Variants in NCOR1 observed in about 807,000 individuals in gnomAD.
The protein encoded by NCOR1 is nuclear receptor corepressor 1, also known as protein phosphatase 1, regulatory subunit 109.
NCOR1 carries 63 observed loss-of-function variants against 288.1 expected under a neutral mutation model. The observed-to-expected ratio is 0.22, with a 90% confidence interval of 0.18 to 0.27. NCOR1 has a LOEUF of 0.27. NCOR1 is among the 10% of genes least tolerant of loss of function. The probability of loss-of-function intolerance (pLI) is 1.00; values close to 1 mark genes in which losing one functional copy is unlikely to be tolerated. For missense variants in NCOR1, 2,397 were observed against 3,019.2 expected, an observed-to-expected ratio of 0.79 and a Z score of 4.83; for synonymous variants, 1,007 against 1,065.9, an observed-to-expected ratio of 0.94 and a Z score of 1.08.
intron 18 of NCOR1, 98 bp downstream of exon 18, chr17:16,117,790 C>A: frequency 3.0e-6 from 4 of 1,346,382 alleles, no homozygotes; most frequent in Non-Finnish European, 4.0e-6. Context: ...CTGCTGCACT[C>A]TAGCCTGGGT....
At chr17:16,159,433 A>AG (rs1048353239) in intron 5 of NCOR1, among the ~76,000 whole-genome samples, 14 of 151,678 alleles carry the variant, frequency 9.2e-5, no homozygotes, top group African/African-American at 3.4e-4. Context: ...AAAAAAAAAA[A>AG]AAGATTTTAA....
At chr17:16,064,584 C>A (rs2060911079) in intron 34 of NCOR1, among the ~76,000 whole-genome samples, 1 of 151,286 alleles carries the variant, frequency 6.6e-6, no homozygotes, top group Non-Finnish European at 1.5e-5. Flanking sequence ...GCCTGGGCAA[C>A]AGAGCCAGAC....
intron 40 of NCOR1, among the ~76,000 whole-genome samples, chr17:16,056,188 T>C (rs2059894007): frequency 6.6e-6 from 1 of 152,168 alleles, no homozygotes; most frequent in Admixed American, 6.5e-5. Flanking sequence ...AAATTTCTCT[T>C]TTTCAGGCTC....
At position 16,140,997 on chromosome 17, in the gene NCOR1, C is replaced by CAA. The variant is rs372397821; in HGVS notation, c.1174-1813_1174-1812dup. ...CAGAGTAAGACCCTATCTCCTATCT[C>CAA]AAAAAAAAAAAAAAGGAAAATTCAC... On this transcript the variant is annotated intron_variant, in intron 11 of 45. Transcript: ENST00000268712. Among the ~76,000 whole-genome samples, 97 of 113,746 alleles carry CAA rather than the reference C, an allele frequency of 8.5e-4. 2 individuals are homozygous for CAA. Among genetic ancestry groups the CAA allele is most frequent in the African/African-American group, 2.9e-3 (86 of 29,808 alleles). The allele number at this position is 113,746 out of a possible 152,430, so 74.6% of individuals were successfully genotyped here.
chr17:16,187,772 T>C (rs2086988204), intron 2 of NCOR1, among the ~76,000 whole-genome samples: 1 of 151,650 alleles, frequency 6.6e-6, no homozygotes, highest in Non-Finnish European at 1.5e-5. Flanking sequence ...AGCCGGGCAT[T>C]GTGGCACGTC....
chr17:16,186,747 C>T (rs1600184771), intron 2 of NCOR1, 60 bp from the exon 3 acceptor site: 11 of 1,536,616 alleles, frequency 7.2e-6, no homozygotes, highest in Admixed American at 5.3e-5. Context: ...ATCATGAAAT[C>T]AAAGCAAGTA....
intron 3 of NCOR1, among the ~76,000 whole-genome samples, chr17:16,185,658 G>A (rs1046513601): frequency 7.1e-6 from 1 of 140,386 alleles, no homozygotes; most frequent in Non-Finnish European, 1.5e-5. Flanking sequence ...ACTCCAGCCT[G>A]GGTGACAAGA....
chr17:16,070,120 TA>T lies in NCOR1; in HGVS notation c.4513+44del, dbSNP rs371998619. On this transcript the variant is annotated intron_variant, in intron 31 of 45. Coordinates refer to ENST00000268712, the MANE Select transcript of NCOR1 (RefSeq NM_006311.4). The stretch of plus-strand genomic sequence containing the variant: ...TGACAAAGGTTTTTTTTTTTTTTTT[TA>T]AATGCAATAAAAAGTATCAGACCAA... 14,358 of 1,477,238 alleles carry T rather than the reference TA, an allele frequency of 9.7e-3. 21 individuals are homozygous for T. The highest frequency in any genetic ancestry group is 0.019 in the Admixed American group (780 of 41,930). The allele number at this position is 1,477,238 out of a possible 1,614,324, so 91.5% of individuals were successfully genotyped here.
In NCOR1 at chr17:16,039,567, C is replaced by G; in HGVS notation, c.6821G>C (p.Ser2274Thr). Residue 2274 changes from serine (S) to threonine (T), a missense_variant, in exon 44 of 46, where the codon AGC becomes ACC. By Grantham distance (58) the Ser-to-Thr change is moderately conservative (BLOSUM62 1). Around this residue, in one of 11 missense-constraint regions of NCOR1, gnomAD observed 1,872 missense variants for 2,187.8 expected, o/e 0.86. Transcript: ENST00000268712. ...EDIIRKALMGSFDDKVEDHGV... is the reference protein window; with the variant it reads ...EDIIRKALMGTFDDKVEDHGV... ...ATGATCCTCAACTTTGTCATCAAAG[C>G]TTCCCATGAGAGCCTTCCTGATAAT... 1 of 1,614,172 alleles carries G rather than the reference C, an allele frequency of 6.2e-7. No homozygotes were observed. The highest frequency in any genetic ancestry group is 2.2e-5 in the East Asian group (1 of 44,872).
In NCOR1 at chr17:16,188,566, G is replaced by GT. The variant is rs2087306178; in HGVS notation, c.109-1880dup. 2.7e-5 allele frequency among the ~76,000 whole-genome samples: 4 copies of GT among 150,860 alleles called. No homozygotes were observed. In the South Asian group the frequency reaches 8.4e-4, roughly 32 times the overall value. On this transcript the variant is annotated intron_variant, in intron 2 of 45. Transcript: ENST00000268712. ...GGGGAGGGTGCAGTGAGCTGAGATC[G>GT]TACCATTGCACTCTAGTCCAAGCAA...
At position 16,044,958 on chromosome 17, in the gene NCOR1, C is replaced by G. The variant is rs367927635; in HGVS notation, c.6679+1993G>C. ...TGACATGGGCTTTTGGTTGTTTTGA[C>G]TAAATTTCTTATAACGTGTTCAATA... is the stretch of plus-strand genomic sequence containing the variant. On this transcript the variant is annotated intron_variant, in intron 42 of 45. Transcript: ENST00000268712. 2.0e-4 allele frequency: 106 copies of G among 531,456 alleles called. 2 individuals are homozygous for G. Among genetic ancestry groups the G allele is most frequent in the South Asian group, 1.8e-3 (100 of 54,282 alleles). 32.9% of individuals were successfully genotyped at this position (531,456 alleles called of 1,614,324 possible).
In NCOR1 at chr17:16,034,811, A is replaced by G. The variant is rs779302827; in HGVS notation, c.7089T>C (p.His2363=). 8.1e-6 allele frequency: 13 copies of G among 1,613,966 alleles called. No homozygotes were observed. Among genetic ancestry groups the G allele is most frequent in the Non-Finnish European group, 1.1e-5 (13 of 1,180,008 alleles). The change falls in exon 45 of 46, where the codon CAT becomes CAC. Residue 2363 remains histidine, a synonymous_variant. Coordinates refer to ENST00000268712, the MANE Select transcript of NCOR1 (RefSeq NM_006311.4). ...VSSVHSEGDY[H]RQTPGWAWED... is the part of the protein sequence containing the mutation. ...CCCAGGCCCACCCTGGCGTCTGCCT[A>G]TGGTAATCCCCTTCTGAATGTACAG...
intron 40 of NCOR1, among the ~76,000 whole-genome samples, chr17:16,055,053 G>C (rs543457829): frequency 2.6e-5 from 4 of 152,172 alleles, no homozygotes; most frequent in Non-Finnish European, 5.9e-5. Context: ...TGGAGAAAAT[G>C]GAACACTTAT....
chr17:16,093,699 GTGCTT>G (rs1379942700), intron 21 of NCOR1, among the ~76,000 whole-genome samples: 1 of 151,992 alleles, frequency 6.6e-6, no homozygotes, highest in African/African-American at 2.4e-5. Flanking sequence ...TCTTGCCTTT[GTGCTT>G]TGTCTTCCAT....
intron 45 of NCOR1, among the ~76,000 whole-genome samples, chr17:16,033,248 T>C (rs1972705676): frequency 1.4e-5 from 2 of 146,454 alleles, no homozygotes; most frequent in South Asian, 4.2e-4. Context: ...GGCAGGAGAA[T>C]CGCCTGAACC....
intron 18 of NCOR1, among the ~76,000 whole-genome samples, chr17:16,109,287 T>A (rs2069472331): frequency 6.6e-6 from 1 of 152,068 alleles, no homozygotes. Flanking sequence ...CCTTGAAATG[T>A]GGAAGACATA....
chr17:16,155,738 A>G (rs1280579837), intron 6 of NCOR1, among the ~76,000 whole-genome samples: 3 of 152,166 alleles, frequency 2.0e-5, no homozygotes, highest in Admixed American at 2.0e-4. Flanking sequence ...GCCACCCAAG[A>G]AATAAGAGGG....
At chr17:16,096,777 C>G (rs1278226531) in intron 21 of NCOR1, among the ~76,000 whole-genome samples, 1 of 152,170 alleles carries the variant, frequency 6.6e-6, no homozygotes, top group Non-Finnish European at 1.5e-5. Context: ...TTAGCACTCC[C>G]TAACCCAAGC....
intron 19 of NCOR1, among the ~76,000 whole-genome samples, chr17:16,103,446 C>T (rs1473120241): frequency 6.6e-6 from 1 of 152,218 alleles, no homozygotes; most frequent in African/African-American, 2.4e-5. Flanking sequence ...AACTCACTCT[C>T]TCACTCTCAT....
Sources: gnomAD v4.1 joint callset for allele counts (sites outside exome capture counted in the v4.1 genomes callset) on GRCh38, gnomAD v4.1.1 for gene constraint, gnomAD v4.1.1 regional missense constraint, MANE v1.5 for transcripts, NCBI Gene and HGNC (gene_info 2026-07-23, HGNC 2026-07-21) for gene names.